NAGLU: variants seen among roughly 807,000 people sequenced by gnomAD.
NAGLU encodes the protein N-acetyl-alpha-glucosaminidase, also known as alpha-N-acetylglucosaminidase.
In NAGLU, 34 loss-of-function variants were observed where a neutral mutation model predicts 43.4. The ratio of observed to expected loss-of-function variants is 0.78; its 90% CI spans 0.60 to 1.04. The LOEUF is 1.04. Ranked by LOEUF, NAGLU falls within the 50% of genes least tolerant of loss-of-function variation. The pLI is 0.00. For missense variants in NAGLU, 910 were observed against 993.7 expected, an observed-to-expected ratio of 0.92 and a Z score of 1.13; for synonymous variants, 425 against 437.6, an observed-to-expected ratio of 0.97 and a Z score of 0.36.
Position 42,543,285 on chromosome 17 carries a change from C to T in NAGLU, c.1279C>T (p.Pro427Ser). Residue 427 changes from proline (P) to serine (S), a missense_variant, in exon 6 of 6, where the codon CCA becomes TCA. By Grantham distance (74) the Pro-to-Ser change is moderately conservative (BLOSUM62 -1). Coordinates refer to ENST00000225927, the MANE Select transcript of NAGLU (RefSeq NM_000263.4). Reference sequence around the variant, plus strand: ...AGCCCTAGAGGCTGTGAACGGAGGCCCAGAAGCTGCCCGCCTCTTCCCCAA... The same window carrying T: ...AGCCCTAGAGGCTGTGAACGGAGGCTCAGAAGCTGCCCGCCTCTTCCCCAA... ...FGALEAVNGG[P>S]EAARLFPNST... The T allele has an allele frequency of 6.2e-7, 1 of 1,613,904 alleles. No homozygotes were observed. The highest frequency in any genetic ancestry group is 8.5e-7 in the Non-Finnish European group (1 of 1,180,044).
At chr17:42,542,941 A>C (rs965738066) in intron 5 of NAGLU, 87 bp from the exon 6 acceptor site, 1 of 1,579,912 alleles carries the variant, frequency 6.3e-7, no homozygotes, top group African/African-American at 1.3e-5. Flanking sequence ...CCTGGGATAG[A>C]CAGTCGTCTG....
chr17:42,544,148 G>T lies in NAGLU; in HGVS notation c.2142G>T (p.Arg714Ser). 1.1e-5 allele frequency: 17 copies of T among 1,613,906 alleles called. No individual in the cohort carries two copies. The highest frequency in any genetic ancestry group is 1.4e-5 in the Non-Finnish European group (17 of 1,180,030). The stretch of plus-strand genomic sequence containing the variant: ...AGGCCTTCGTTCTCAGCAAGCAGAG[G>T]TACCCCAGCCAGCCGCGAGGAGACA... ...LEQAFVLSKQ[R>S]YPSQPRGDTV... The change falls in exon 6 of 6, where the codon AGG becomes AGT. Residue 714 changes from arginine (R) to serine (S), a missense_variant. Physicochemically the swap from Arg to Ser is moderately radical, Grantham distance 110. Coordinates refer to ENST00000225927, the MANE Select transcript of NAGLU (RefSeq NM_000263.4).
Position 42,543,593 on chromosome 17 carries a change from C to A in NAGLU, c.1587C>A (p.Ile529=). The A allele has an allele frequency of 6.2e-7, 1 of 1,613,088 alleles. No homozygotes were observed. The highest frequency in any genetic ancestry group is 8.5e-7 in the Non-Finnish European group (1 of 1,180,022). The change falls in exon 6 of 6, where the codon ATC becomes ATA. Residue 529 remains isoleucine (I), a synonymous_variant. Coordinates refer to ENST00000225927, the MANE Select transcript of NAGLU (RefSeq NM_000263.4). ...RRPSLQMNTS[I]WYNRSDVFEA... ...CGTCCCTACAGATGAATACCAGCAT[C>A]TGGTACAACCGATCTGATGTGTTTG... is the stretch of plus-strand genomic sequence containing the variant.
At chr17:42,538,816 C>CA (rs2143088804) in intron 4 of NAGLU, 61 bp downstream of exon 4, 1 of 1,591,968 alleles carries the variant, frequency 6.3e-7, no homozygotes, top group Non-Finnish European at 8.6e-7. Context: ...CCTTCTAGAA[C>CA]ATGACTTAAA....
intron 5 of NAGLU, among the ~76,000 whole-genome samples, chr17:42,542,212 C>G (rs779151418): frequency 6.6e-6 from 1 of 151,956 alleles, no homozygotes; most frequent in Non-Finnish European, 1.5e-5. Context: ...ACAGGCGCCC[C>G]CCAACCACAC....
chr17:42,537,676 T>C, intron 2 of NAGLU, 131 bp downstream of exon 2: 1 of 1,310,294 alleles, frequency 7.6e-7, no homozygotes. Context: ...GGCTTGGGCC[T>C]CCTAAAAACT....
chr17:42,543,817 C>A lies in NAGLU; in HGVS notation c.1811C>A (p.Pro604Gln). 3 of 1,603,544 alleles carry A rather than the reference C, an allele frequency of 1.9e-6. No homozygotes were observed. Among genetic ancestry groups the A allele is most frequent in the Non-Finnish European group, 2.6e-6 (3 of 1,175,660 alleles). Reference sequence around the variant, plus strand: ...GGCGTCCTGGCCTATGAGCTGCTGCCGGCACTGGACGAGGTGCTGGCTAGT... The same window carrying A: ...GGCGTCCTGGCCTATGAGCTGCTGCAGGCACTGGACGAGGTGCTGGCTAGT... ...AGGVLAYELL[P>Q]ALDEVLASDS... Residue 604 changes from proline to glutamine, a missense_variant, in exon 6 of 6, where the codon CCG becomes CAG. Pro to Gln is a moderately conservative substitution (Grantham distance 76, BLOSUM62 -1). Coordinates refer to ENST00000225927, the MANE Select transcript of NAGLU (RefSeq NM_000263.4).
In NAGLU at chr17:42,543,432, A is replaced by T; in HGVS notation, c.1426A>T (p.Thr476Ser). 1 of 1,600,676 alleles carries T rather than the reference A, an allele frequency of 6.2e-7. No homozygotes were observed. Among genetic ancestry groups the T allele is most frequent in the Non-Finnish European group, 8.5e-7 (1 of 1,174,660 alleles). ...AGTGCCAGATTTGGCAGCCTGGGTG[A>T]CCAGCTTTGCCGCCCGGCGGTATGG... Reference protein sequence around the residue: ...DPVPDLAAWVTSFAARRYGVS... With the variant: ...DPVPDLAAWVSSFAARRYGVS... The change falls in exon 6 of 6, where the codon ACC (threonine) becomes TCC (serine). Residue 476 changes from threonine to serine, a missense_variant. Coordinates refer to ENST00000225927, the MANE Select transcript of NAGLU (RefSeq NM_000263.4).
intron 5 of NAGLU, among the ~76,000 whole-genome samples, chr17:42,542,090 T>A (rs1021043618): frequency 6.6e-6 from 1 of 151,046 alleles, no homozygotes; most frequent in Non-Finnish European, 1.5e-5. Flanking sequence ...TGAGATAGAG[T>A]CTCGCTCTGT....
At position 42,543,925 on chromosome 17, in the gene NAGLU, A is replaced by G. The variant is rs754833974; in HGVS notation, c.1919A>G (p.Gln640Arg). ...VSEAEADFYE[Q>R]NSRYQLTLWG... ...GAGGCCGAGGCCGATTTCTACGAGC[A>G]GAACAGCCGCTACCAGCTGACCTTG... Residue 640 changes from glutamine (Q) to arginine (R), a missense_variant, in exon 6 of 6, where the codon CAG becomes CGG. Gln to Arg is a conservative substitution (Grantham distance 43). Coordinates refer to ENST00000225927, the MANE Select transcript of NAGLU (RefSeq NM_000263.4). The G allele has an allele frequency of 4.4e-6, 7 of 1,607,444 alleles. No individual in the cohort carries two copies. The South Asian group carries it at 7.8e-5, about 18-fold the overall frequency.
At position 42,536,246 on chromosome 17, in the gene NAGLU, C is replaced by G. The variant is rs987583207; in HGVS notation, c.-27C>G. On this transcript the variant is annotated 5_prime_UTR_variant, in exon 1 of 6. Coordinates refer to ENST00000225927, the MANE Select transcript of NAGLU (RefSeq NM_000263.4). Reference sequence around the variant, plus strand: ...GACGCGGGCCGCCCCACCCCCTGGCCGTCGCGGGACCCGCAGGACTGAGAC... The same window carrying G: ...GACGCGGGCCGCCCCACCCCCTGGCGGTCGCGGGACCCGCAGGACTGAGAC... The G allele has an allele frequency of 8.2e-7, 1 of 1,214,102 alleles. No individual in the cohort carries two copies. Among genetic ancestry groups the G allele is most frequent in the Non-Finnish European group, 1.0e-6 (1 of 975,838 alleles). The allele number at this position is 1,214,102 out of a possible 1,614,324, so 75.2% of individuals were successfully genotyped here.
chr17:42,543,286 C>G lies in NAGLU; in HGVS notation c.1280C>G (p.Pro427Arg), dbSNP rs2092926477. Residue 427 changes from proline to arginine, a missense_variant, in exon 6 of 6, where the codon CCA becomes CGA. Coordinates refer to ENST00000225927, the MANE Select transcript of NAGLU (RefSeq NM_000263.4). ...FGALEAVNGG[P>R]EAARLFPNST... ...GCCCTAGAGGCTGTGAACGGAGGCC[C>G]AGAAGCTGCCCGCCTCTTCCCCAAC... 6.2e-7 allele frequency: 1 copy of G among 1,613,776 alleles called. No homozygotes were observed. Among genetic ancestry groups the G allele is most frequent in the Non-Finnish European group, 8.5e-7 (1 of 1,180,044 alleles).
rs115680529 is a variant in NAGLU at position 42,538,482 on chromosome 17, G to T, written c.675G>T (p.Leu225=). Reference sequence around the variant, plus strand: ...CCTGGCACATCAAGCAGCTTTACCTGCAGGTAAAAGGATGGAAAAGGGAAG... The same window carrying T: ...CCTGGCACATCAAGCAGCTTTACCTTCAGGTAAAAGGATGGAAAAGGGAAG... ...PPSWHIKQLY[L]QHRVLDQMRS... The change falls in exon 3 of 6, where the codon CTG becomes CTT. Residue 225 remains leucine, a synonymous_variant. Transcript: ENST00000225927. 7.7e-4 allele frequency: 1,246 copies of T among 1,614,054 alleles called. 9 individuals carry two copies. In the African/African-American group the frequency reaches 0.014, roughly 19 times the overall value.
In NAGLU at chr17:42,543,011, C is replaced by A; in HGVS notation, c.1022-17C>A. On this transcript the variant is annotated splice_polypyrimidine_tract_variant and intron_variant, in intron 5 of 5. Transcript: ENST00000225927. The stretch of plus-strand genomic sequence containing the variant: ...TCATCACTCCTCTTCTCTGTTCCCC[C>A]TACCTCCTGTCCACAGTGGATACTG... The A allele has an allele frequency of 6.3e-7, 1 of 1,599,668 alleles. No individual in the cohort carries two copies. Among genetic ancestry groups the A allele is most frequent in the Non-Finnish European group, 8.5e-7 (1 of 1,179,954 alleles).
chr17:42,538,276 TTGAATGAA>T lies in NAGLU; in HGVS notation c.532-46_532-39del, dbSNP rs368717206. The T allele has an allele frequency of 3.6e-5, 58 of 1,605,282 alleles. No homozygotes were observed. In the South Asian group the frequency reaches 4.4e-4, roughly 12 times the overall value. ...CAAAGAAGCAATGAGTGAATGGTTG[TTGAATGAA>T]TGAATGAATGAATGAAGATGAATAT... On this transcript the variant is annotated intron_variant, in intron 2 of 5. Transcript: ENST00000225927.
intron 5 of NAGLU, among the ~76,000 whole-genome samples, chr17:42,541,886 G>A (rs1299933034): frequency 1.3e-5 from 2 of 151,906 alleles, no homozygotes; most frequent in East Asian, 3.9e-4. Flanking sequence ...CCCTACCCAA[G>A]ACCTGAAGGA....
intron 4 of NAGLU, among the ~76,000 whole-genome samples, chr17:42,539,170 T>C (rs2092915371): frequency 6.6e-6 from 1 of 152,226 alleles, no homozygotes; most frequent in East Asian, 1.9e-4. Flanking sequence ...TTTCTGACTC[T>C]GCTACTAATT....
chr17:42,537,621 A>C, intron 2 of NAGLU, 76 bp downstream of exon 2: 2 of 1,563,180 alleles, frequency 1.3e-6, no homozygotes, highest in Non-Finnish European at 1.7e-6. Context: ...GCCCCCCAGC[A>C]TGGGCGCAGT....
chr17:42,544,074 A>G lies in NAGLU; in HGVS notation c.2068A>G (p.Ile690Val), dbSNP rs143906118. Residue 690 changes from isoleucine (I) to valine (V), a missense_variant, in exon 6 of 6, where the codon ATC becomes GTC. Transcript: ENST00000225927. ...GCTGGTTGACAGTGTGGCCCAGGGC[A>G]TCCCTTTCCAACAGCACCAGTTTGA... ...EALVDSVAQGIPFQQHQFDKN... is the reference protein window; with the variant it reads ...EALVDSVAQGVPFQQHQFDKN... The G allele has an allele frequency of 6.2e-7, 1 of 1,613,888 alleles. No homozygotes were observed. The highest frequency in any genetic ancestry group is 1.3e-5 in the African/African-American group (1 of 74,916).
Sources: allele counts gnomAD v4.1 joint callset (sites outside exome capture counted in the v4.1 genomes callset), GRCh38; gene constraint gnomAD v4.1.1; transcripts MANE v1.5; gene names NCBI Gene and HGNC (gene_info 2026-07-23, HGNC 2026-07-21).